The following PSD3 variants were observed in gnomAD, a reference collection of about 807,000 sequenced individuals.
PSD3 encodes pleckstrin and Sec7 domain containing 3, also known as PH and SEC7 domain-containing protein 3.
PSD3 carries 49 observed loss-of-function variants against 105.5 expected under a neutral mutation model. The ratio of observed to expected loss-of-function variants is 0.46; its 90% CI spans 0.37 to 0.59. PSD3 has a LOEUF of 0.59. PSD3 is among the 20% of genes least tolerant of loss of function. The pLI, the probability that PSD3 is intolerant of heterozygous loss-of-function variation, is 0.00. For synonymous variants in PSD3, 557 were observed against 457.8 expected (o/e 1.22, Z -2.77); for missense variants, 1,561 against 1,263.8 (o/e 1.24, Z -3.57).
chr8:18,550,436 A>G (rs545088327), intron 15 of PSD3, among the ~76,000 whole-genome samples: 2 of 152,336 alleles, frequency 1.3e-5, no homozygotes, highest in African/African-American at 4.8e-5. Flanking sequence ...TTACATCTCT[A>G]GCTTTTGACT....
intron 11 of PSD3, among the ~76,000 whole-genome samples, chr8:18,616,103 C>T (rs574617060): frequency 1.8e-4 from 28 of 152,358 alleles, no homozygotes; most frequent in African/African-American, 6.7e-4. Context: ...GTTCCTGGCC[C>T]TCATTACAGG....
chr8:19,079,988 C>T (rs1179228269), intron 1 of PSD3, among the ~76,000 whole-genome samples: 1 of 148,890 alleles, frequency 6.7e-6, no homozygotes, highest in Non-Finnish European at 1.5e-5. Context: ...CTTCTGGGTT[C>T]AAGCGATTCT....
At chr8:18,861,867 G>A (rs922256491) in intron 4 of PSD3, among the ~76,000 whole-genome samples, 5 of 152,020 alleles carry the variant, frequency 3.3e-5, no homozygotes, top group Non-Finnish European at 7.4e-5. Context: ...GAAGTTCCAC[G>A]AATGAAAAGA....
chr8:18,752,510 A>T (rs1470390115), intron 9 of PSD3, among the ~76,000 whole-genome samples: 1 of 67,916 alleles, frequency 1.5e-5, no homozygotes, highest in Non-Finnish European at 2.5e-5. Context: ...TAATATATAT[A>T]ATATATGTAA....
intron 11 of PSD3, among the ~76,000 whole-genome samples, chr8:18,609,180 T>A (rs1381430290): frequency 6.6e-6 from 1 of 152,174 alleles, no homozygotes; most frequent in African/African-American, 2.4e-5. Context: ...ACCATTTTAT[T>A]CCCCTCAGAG....
At chr8:18,749,308 T>C (rs367960472) in intron 9 of PSD3, among the ~76,000 whole-genome samples, 2 of 152,196 alleles carry the variant, frequency 1.3e-5, no homozygotes, top group Admixed American at 6.5e-5. Flanking sequence ...TCCAGCTCTA[T>C]AGCACCCATC....
rs140540701 is a variant in PSD3 at position 18,989,891 on chromosome 8, C to T, written c.21+23672G>A. 2.6e-3 allele frequency among the ~76,000 whole-genome samples: 403 copies of T among 152,224 alleles called. 2 individuals carry two copies. Among genetic ancestry groups the T allele is most frequent in the African/African-American group, 9.1e-3 (379 of 41,540 alleles). ...ATCTTTGATCTAAGAAGCTTATAGT[C>T]TAGGTGGAAGGATGTAACACAAAGC... On this transcript the variant is annotated intron_variant, in intron 1 of 15. Transcript: ENST00000327040.
intron 1 of PSD3, among the ~76,000 whole-genome samples, chr8:18,968,235 C>T (rs1481395782): frequency 6.6e-6 from 1 of 152,232 alleles, no homozygotes; most frequent in African/African-American, 2.4e-5. Context: ...CTGAGATTCT[C>T]CAACTCAGAA....
At chr8:18,862,495 A>G (rs1816525798) in intron 4 of PSD3, among the ~76,000 whole-genome samples, 1 of 152,088 alleles carries the variant, frequency 6.6e-6, no homozygotes, top group African/African-American at 2.4e-5. Flanking sequence ...AGGATTAAAG[A>G]GATTACTGGA....
intron 1 of PSD3, among the ~76,000 whole-genome samples, chr8:19,022,873 T>TC (rs1172618082): frequency 6.6e-6 from 1 of 151,628 alleles, no homozygotes; most frequent in Non-Finnish European, 1.5e-5. Context: ...CCTTTTTTTT[T>TC]TTTTAATCTG....
At chr8:18,847,629 C>T (rs1815203408) in intron 4 of PSD3, among the ~76,000 whole-genome samples, 1 of 152,244 alleles carries the variant, frequency 6.6e-6, no homozygotes, top group African/African-American at 2.4e-5. Context: ...GTGGAATACA[C>T]CATGTGAATT....
At chr8:18,777,007 G>C (rs943318245) in intron 8 of PSD3, among the ~76,000 whole-genome samples, 3 of 151,630 alleles carry the variant, frequency 2.0e-5, no homozygotes, top group African/African-American at 7.3e-5. Flanking sequence ...TATTGATTTT[G>C]GTCTTTTTTC....
At chr8:18,566,474 C>T (rs564107480) in intron 14 of PSD3, among the ~76,000 whole-genome samples, 5 of 148,332 alleles carry the variant, frequency 3.4e-5, no homozygotes, top group South Asian at 2.1e-4. Flanking sequence ...TGCAGTGAGC[C>T]GAGATCAAGC....
chr8:18,765,954 C>A (rs1275615667), intron 8 of PSD3, among the ~76,000 whole-genome samples: 11 of 140,084 alleles, frequency 7.9e-5, no homozygotes, highest in Admixed American at 1.4e-4. Context: ...GGTGACAGAG[C>A]GAGACTCCAT....
intron 4 of PSD3, among the ~76,000 whole-genome samples, chr8:18,855,807 G>A (rs1039661403): frequency 1.3e-5 from 2 of 152,174 alleles, no homozygotes; most frequent in South Asian, 2.1e-4. Flanking sequence ...TGAGATCTGG[G>A]GGCATAAAGA....
intron 9 of PSD3, among the ~76,000 whole-genome samples, chr8:18,715,329 T>C (rs562901801): frequency 3.3e-5 from 5 of 152,072 alleles, no homozygotes; most frequent in African/African-American, 9.7e-5. Context: ...GACCCATTAA[T>C]AGGTTACAAT....
At chr8:18,560,460 G>A (rs1205844266) in intron 14 of PSD3, among the ~76,000 whole-genome samples, 1 of 151,892 alleles carries the variant, frequency 6.6e-6, no homozygotes, top group Non-Finnish European at 1.5e-5. Flanking sequence ...TTTCAGAGAT[G>A]GCAGAAAAAT....
intron 6 of PSD3, 120 bp downstream of exon 6, chr8:18,804,402 T>A: frequency 3.6e-6 from 3 of 828,858 alleles, no homozygotes; most frequent in Non-Finnish European, 5.4e-6. Context: ...GAAGGAATAC[T>A]CCACCTATAC....
intron 1 of PSD3, among the ~76,000 whole-genome samples, chr8:18,968,495 G>A (rs964251966): frequency 1.3e-5 from 2 of 152,202 alleles, no homozygotes; most frequent in African/African-American, 2.4e-5. Context: ...CACATCACAC[G>A]ATGCACGCTT....
Sources: gnomAD v4.1 joint callset for allele counts (sites outside exome capture counted in the v4.1 genomes callset) on GRCh38, gnomAD v4.1.1 for gene constraint, MANE v1.5 for transcripts, NCBI Gene and HGNC (gene_info 2026-07-23, HGNC 2026-07-21) for gene names.